KAZN: variants seen among roughly 807,000 people sequenced by gnomAD.
KAZN encodes kazrin, periplakin interacting protein, also known as kazrin.
Under a neutral mutation model 87.4 loss-of-function variants are expected in KAZN, and 40 were observed. That is an observed-to-expected ratio of 0.46 (90% CI 0.36 to 0.60). The LOEUF (loss-of-function observed/expected upper bound fraction) is 0.60. Among genes scored for constraint, KAZN ranks in the 20% least tolerant of loss-of-function variants. The probability of loss-of-function intolerance (pLI) is 0.00; values close to 1 mark genes in which losing one functional copy is unlikely to be tolerated. For missense variants in KAZN, 898 were observed against 1,073.9 expected (o/e 0.84, Z 2.29); for synonymous variants, 466 against 458.3 (o/e 1.02, Z -0.22).
At chr1:14,398,883 T>TCA (rs1476357214) in intron 2 of KAZN, among the ~76,000 whole-genome samples, 3 of 152,270 alleles carry the variant, frequency 2.0e-5, no homozygotes, top group South Asian at 4.1e-4. Flanking sequence ...CTCAGTGTTC[T>TCA]CACTCTGTGA....
At chr1:14,249,554 G>A (rs1473604958) in intron 2 of KAZN, among the ~76,000 whole-genome samples, 4 of 152,184 alleles carry the variant, frequency 2.6e-5, no homozygotes, top group Non-Finnish European at 5.9e-5. Context: ...TTTGCTCCGT[G>A]CTGTCTTCAT....
chr1:14,282,741 C>A (rs780562620), intron 2 of KAZN, among the ~76,000 whole-genome samples: 1 of 152,234 alleles, frequency 6.6e-6, no homozygotes, highest in Non-Finnish European at 1.5e-5. Flanking sequence ...TGCCAGGTTT[C>A]TTTTCTGCCT....
At chr1:14,095,602 A>G (rs1644109416) in intron 1 of KAZN, among the ~76,000 whole-genome samples, 1 of 152,116 alleles carries the variant, frequency 6.6e-6, no homozygotes, top group Non-Finnish European at 1.5e-5. Context: ...AATCATCTGG[A>G]GGCTTCTTCA....
chr1:14,569,320 C>CTTTTT lies in KAZN; in HGVS notation c.250-29647_250-29643dup, dbSNP rs35144232. 6.2e-4 allele frequency among the ~76,000 whole-genome samples: 57 copies of CTTTTT among 92,312 alleles called. 8 individuals carry two copies. Among genetic ancestry groups the CTTTTT allele is most frequent in the African/African-American group, 2.0e-3 (44 of 22,054 alleles). 60.6% of individuals were successfully genotyped at this position (92,312 alleles called of 152,430 possible). On this transcript the variant is annotated intron_variant, in intron 2 of 16. Coordinates refer to the KAZN transcript ENST00000636203. Reference sequence around the variant, plus strand: ...TCCTCTACCTCCTCTACTTCCTCTGCTTTTTTTTTTTTTTTTTTTTGAGAC... The same window carrying CTTTTT: ...TCCTCTACCTCCTCTACTTCCTCTGCTTTTTTTTTTTTTTTTTTTTTTTTTGAGAC...
At chr1:14,497,395 C>T (rs1482420059) in intron 2 of KAZN, among the ~76,000 whole-genome samples, 1 of 139,768 alleles carries the variant, frequency 7.2e-6, no homozygotes, top group Non-Finnish European at 1.6e-5. Context: ...GCTGCAAGAG[C>T]CTAAAGAGGT....
At chr1:14,425,702 C>A (rs538097634) in intron 2 of KAZN, among the ~76,000 whole-genome samples, 131 of 152,306 alleles carry the variant, frequency 8.6e-4, no homozygotes, top group Non-Finnish European at 1.6e-3. Context: ...GTTTTCTGCC[C>A]TGAGCTGATT....
intron 1 of KAZN, among the ~76,000 whole-genome samples, chr1:14,603,868 T>C (rs2148605674): frequency 6.6e-6 from 1 of 152,318 alleles, no homozygotes; most frequent in East Asian, 1.9e-4. Flanking sequence ...ATTGGAACTT[T>C]GCCTGCTCAC....
intron 14 of KAZN, 112 bp downstream of exon 14, chr1:15,112,653 G>A: frequency 1.4e-6 from 1 of 711,488 alleles, no homozygotes; most frequent in Non-Finnish European, 2.4e-6. Context: ...TGGAGTGCCA[G>A]GCCGGGTCAC....
At chr1:14,647,576 A>G (rs1243240227) in intron 1 of KAZN, among the ~76,000 whole-genome samples, 1 of 152,158 alleles carries the variant, frequency 6.6e-6, no homozygotes, top group Non-Finnish European at 1.5e-5. Context: ...ATGATAGAAC[A>G]GGCTGCAGTC....
chr1:14,993,743 T>C (rs568612509), intron 2 of KAZN, among the ~76,000 whole-genome samples: 1 of 152,192 alleles, frequency 6.6e-6, no homozygotes, highest in African/African-American at 2.4e-5. Flanking sequence ...CTGGGTGCTC[T>C]TGATGTGTTC....
chr1:14,098,041 T>TA (rs1034162808), intron 1 of KAZN, among the ~76,000 whole-genome samples: 55 of 152,164 alleles, frequency 3.6e-4, no homozygotes, highest in African/African-American at 1.2e-3. Flanking sequence ...ATTTTTTTTT[T>TA]TTATTATCTC....
At chr1:14,527,421 C>T (rs957787310) in intron 2 of KAZN, among the ~76,000 whole-genome samples, 1 of 151,948 alleles carries the variant, frequency 6.6e-6, no homozygotes, top group Non-Finnish European at 1.5e-5. Flanking sequence ...TGGTGGCGGG[C>T]ACCTGTAATC....
At chr1:14,606,776 C>A (rs1468838330) in intron 1 of KAZN, among the ~76,000 whole-genome samples, 1 of 152,100 alleles carries the variant, frequency 6.6e-6, no homozygotes, top group Non-Finnish European at 1.5e-5. Context: ...AGGGGGCTGT[C>A]CTGTGTGTTG....
intron 1 of KAZN, among the ~76,000 whole-genome samples, chr1:14,655,777 G>A (rs999597299): frequency 6.6e-6 from 1 of 152,110 alleles, no homozygotes; most frequent in Admixed American, 6.6e-5. Context: ...TGCTGCTACG[G>A]GTCTAGGGGT....
At chr1:13,971,912 C>T (rs1389361945) in intron 1 of KAZN, among the ~76,000 whole-genome samples, 1 of 152,166 alleles carries the variant, frequency 6.6e-6, no homozygotes, top group Admixed American at 6.5e-5. Context: ...CTTTGCCTTC[C>T]ACCATAATTG....
chr1:14,137,539 C>T (rs138700430), intron 1 of KAZN, among the ~76,000 whole-genome samples: 16 of 152,158 alleles, frequency 1.1e-4, no homozygotes, highest in Non-Finnish European at 1.6e-4. Flanking sequence ...GGGTGTCCTT[C>T]GGCAAGTTGC....
rs79148240 is a variant in KAZN, at chr1:14,887,666, GT to G, written c.227-73002del. 7.9e-3 allele frequency among the ~76,000 whole-genome samples: 1,082 copies of G among 137,142 alleles called. 6 individuals are homozygous for G. The highest frequency in any genetic ancestry group is 0.023 in the African/African-American group (877 of 37,368). 90.0% of individuals were successfully genotyped at this position (137,142 alleles called of 152,430 possible). ...TGGGAACCATCAACCCGTCGTGGTA[GT>G]TTTTTTTTTTTTTTTGCGGTCGTGC... On this transcript the variant is annotated intron_variant, in intron 1 of 14. Coordinates refer to ENST00000376030, the MANE Select transcript of KAZN (RefSeq NM_201628.3).
At chr1:14,182,269 T>C (rs1472557983) in intron 2 of KAZN, among the ~76,000 whole-genome samples, 1 of 152,182 alleles carries the variant, frequency 6.6e-6, no homozygotes, top group African/African-American at 2.4e-5. Flanking sequence ...AGTCATATGC[T>C]AAAAAGGAAG....
At chr1:14,218,480 C>T (rs1165818909) in intron 2 of KAZN, among the ~76,000 whole-genome samples, 1 of 152,086 alleles carries the variant, frequency 6.6e-6, no homozygotes, top group Non-Finnish European at 1.5e-5. Flanking sequence ...CAAGATGAGC[C>T]TAGGAGATTG....
Sources: allele counts gnomAD v4.1 joint callset (sites outside exome capture counted in the v4.1 genomes callset), GRCh38; gene constraint gnomAD v4.1.1; transcripts MANE v1.5; gene names NCBI Gene and HGNC (gene_info 2026-07-23, HGNC 2026-07-21).